Variants in CTIF observed in about 807,000 individuals in gnomAD.
The protein encoded by CTIF is CBP80/20-dependent translation initiation factor.
A neutral mutation model predicts 66.0 loss-of-function variants in CTIF; 21 were observed. The observed-to-expected ratio is 0.32, with a 90% confidence interval of 0.23 to 0.46. The LOEUF is 0.46. Among genes scored for constraint, CTIF ranks in the 20% least tolerant of loss-of-function variants. The pLI, the probability that CTIF is intolerant of heterozygous loss-of-function variation, is 1.00. For missense variants in CTIF, 739 were observed against 812.7 expected (o/e 0.91, Z 1.10); for synonymous variants, 345 against 326.4 (o/e 1.06, Z -0.62).
intron 10 of CTIF, among the ~76,000 whole-genome samples, chr18:48,853,588 G>C (rs766318099): frequency 6.6e-6 from 1 of 152,220 alleles, no homozygotes; most frequent in South Asian, 2.1e-4. Flanking sequence ...TTTCTTTTCT[G>C]TGTATCTGCT....
chr18:48,859,651 C>T lies in CTIF; in HGVS notation c.*92C>T, dbSNP rs572944293. ...GGCGGGAGGACAGGGGTGGCCCTGG[C>T]GGGAGAAAGAAATGGGGAGGAGGGC... On this transcript the variant is annotated 3_prime_UTR_variant, in exon 12 of 12. Coordinates refer to ENST00000256413, the MANE Select transcript of CTIF (RefSeq NM_014772.3). 9.5e-5 allele frequency: 118 copies of T among 1,239,218 alleles called. 1 individual carries two copies. The African/African-American group carries it at 1.3e-3, about 14-fold the overall frequency. The allele number at this position is 1,239,218 out of a possible 1,614,324, so 76.8% of individuals were successfully genotyped here.
chr18:48,657,052 C>T (rs760441509), intron 3 of CTIF, among the ~76,000 whole-genome samples: 1 of 152,174 alleles, frequency 6.6e-6, no homozygotes, highest in Non-Finnish European at 1.5e-5. Context: ...GGAAGTGGAG[C>T]CACGGTTCCC....
intron 10 of CTIF, among the ~76,000 whole-genome samples, chr18:48,851,004 G>A (rs961054006): frequency 6.6e-6 from 1 of 152,240 alleles, no homozygotes; most frequent in Non-Finnish European, 1.5e-5. Flanking sequence ...CCAGCAGGCC[G>A]TTTGCAAGAG....
intron 1 of CTIF, among the ~76,000 whole-genome samples, chr18:48,575,736 T>C (rs988459334): frequency 9.9e-5 from 15 of 152,216 alleles, no homozygotes; most frequent in Non-Finnish European, 1.5e-4. Flanking sequence ...CGGATGCCTT[T>C]TGATGAAGGC....
rs931883528 is a variant in CTIF at position 48,861,116 on chromosome 18, T to G, written c.*1557T>G. On this transcript the variant is annotated 3_prime_UTR_variant, in exon 12 of 12. Transcript: ENST00000256413. ...GGGAGGTGATGGGCGGGGAAGGTTC[T>G]CGTGATTGATTGATTCTGAGTCTGA... 6.6e-6 allele frequency: 1 copy of G among 152,364 alleles called. No individual in the cohort carries two copies. The highest frequency in any genetic ancestry group is 6.5e-5 in the Admixed American group (1 of 15,288). The allele number at this position is 152,364 out of a possible 1,614,324, so 9.4% of individuals were successfully genotyped here.
At chr18:48,602,330 G>C (rs1356135977) in intron 1 of CTIF, among the ~76,000 whole-genome samples, 1 of 152,206 alleles carries the variant, frequency 6.6e-6, no homozygotes, top group African/African-American at 2.4e-5. Flanking sequence ...AGAATTGTCA[G>C]TCTCATGCAT....
At position 48,758,248 on chromosome 18, in the gene CTIF, C is replaced by T. The variant is rs772233727; in HGVS notation, c.914C>T (p.Pro305Leu). The stretch of plus-strand genomic sequence containing the variant: ...CCCCGCAGCCCTGACACCCTGGCCC[C>T]GGTGGCTTCTGAGCGGCTGCCCCCA... ...EAPRSPDTLA[P>L]VASERLPPQQ... The change falls in exon 8 of 12, where the codon CCG becomes CTG. Residue 305 changes from proline (P) to leucine (L), a missense_variant. Transcript: ENST00000256413. 25 of 1,613,278 alleles carry T rather than the reference C, an allele frequency of 1.5e-5. No individual in the cohort carries two copies. The highest frequency in any genetic ancestry group is 1.6e-4 in the Middle Eastern group (1 of 6,084).
At position 48,761,458 on chromosome 18, in the gene CTIF, C is replaced by A; in HGVS notation, c.1140C>A (p.Asn380Lys). 6.2e-7 allele frequency: 1 copy of A among 1,614,222 alleles called. No homozygotes were observed. Among genetic ancestry groups the A allele is most frequent in the Non-Finnish European group, 8.5e-7 (1 of 1,180,046 alleles). Residue 380 changes from asparagine to lysine, a missense_variant, in exon 9 of 12, where the codon AAC becomes AAA. By Grantham distance (94) the Asn-to-Lys change is moderately conservative (BLOSUM62 0). This residue lies in a region of CTIF where 529 missense variants were observed against 520.3 expected (regional missense o/e 1.02). Coordinates refer to ENST00000256413, the MANE Select transcript of CTIF (RefSeq NM_014772.3). This position sits in a 1 kb window ranked among gnomAD's most constrained non-coding sequence, Gnocchi z 4.2. ...TGGACAAGCTGATCGAGATCCTGAA[C>A]AGCATGCGGAACAACAGCAGCGACG... ...NKMDKLIEIL[N>K]SMRNNSSDVD...
intron 1 of CTIF, among the ~76,000 whole-genome samples, chr18:48,603,143 T>C (rs1568064994): frequency 7.2e-6 from 1 of 138,232 alleles, no homozygotes; most frequent in South Asian, 2.4e-4. Context: ...AGATAGTGGA[T>C]GGATGGATGG....
chr18:48,615,952 T>C (rs2090392012), intron 1 of CTIF, among the ~76,000 whole-genome samples: 1 of 152,210 alleles, frequency 6.6e-6, no homozygotes, highest in Non-Finnish European at 1.5e-5. Context: ...TGGGTCTCAA[T>C]TCTGTCCCCT....
chr18:48,836,791 A>T (rs901918912), intron 10 of CTIF, among the ~76,000 whole-genome samples: 3 of 152,182 alleles, frequency 2.0e-5, no homozygotes, highest in Non-Finnish European at 4.4e-5. Flanking sequence ...CTGCCACCCA[A>T]GCTGTGCCTC....
chr18:48,819,345 C>A (rs1443940739), intron 10 of CTIF, among the ~76,000 whole-genome samples: 1 of 152,228 alleles, frequency 6.6e-6, no homozygotes, highest in Admixed American at 6.5e-5. Context: ...CCCATCCTTG[C>A]CTGCATTGCC....
chr18:48,656,804 G>A (rs74885535), intron 3 of CTIF, among the ~76,000 whole-genome samples: 5 of 151,706 alleles, frequency 3.3e-5, no homozygotes, highest in South Asian at 2.1e-4. Flanking sequence ...TTCAGCAACC[G>A]GGGGGGCAGG....
intron 1 of CTIF, among the ~76,000 whole-genome samples, chr18:48,602,651 T>C (rs2090110908): frequency 6.6e-6 from 1 of 152,252 alleles, no homozygotes; most frequent in South Asian, 2.1e-4. Context: ...CTCTCCTATG[T>C]TGGTGCTGCT....
chr18:48,772,702 G>A (rs1004766616), intron 9 of CTIF, among the ~76,000 whole-genome samples: 4 of 152,050 alleles, frequency 2.6e-5, no homozygotes, highest in African/African-American at 9.7e-5. Flanking sequence ...TCCATTTTAT[G>A]TCTATACCAC....
chr18:48,613,354 G>A (rs1459275006), intron 1 of CTIF, among the ~76,000 whole-genome samples: 1 of 152,040 alleles, frequency 6.6e-6, no homozygotes, highest in Non-Finnish European at 1.5e-5. Context: ...ACTGGCAACC[G>A]ACCATCTCAG....
intron 7 of CTIF, among the ~76,000 whole-genome samples, chr18:48,715,091 C>G (rs887688883): frequency 4.6e-5 from 7 of 152,286 alleles, no homozygotes; most frequent in Middle Eastern, 3.4e-3. Flanking sequence ...ATCAATTGTT[C>G]CTTCCCCTGG....
At position 48,592,058 on chromosome 18, in the gene CTIF, G is replaced by A. The variant is rs146605849; in HGVS notation, c.-28-27480G>A. 3.1e-4 allele frequency among the ~76,000 whole-genome samples: 47 copies of A among 152,294 alleles called. 1 individual carries two copies. The highest frequency in any genetic ancestry group is 1.1e-3 in the African/African-American group (47 of 41,570). On this transcript the variant is annotated intron_variant, in intron 1 of 11. Coordinates refer to ENST00000256413, the MANE Select transcript of CTIF (RefSeq NM_014772.3). ...TGAGCCACTATGCCTGGTCAGTGCT[G>A]TGCTTTTTCTACTGAAACACCCCGG...
chr18:48,817,266 C>G lies in CTIF; in HGVS notation c.1417C>G (p.Arg473Gly). Reference protein sequence around the residue: ...REELQQQDVERWLGFITFLCE... With the variant: ...REELQQQDVEGWLGFITFLCE... ...GGAGCTGCAGCAGCAGGACGTGGAG[C>G]GCTGGCTGGGCTTCATCACCTTCCT... Residue 473 changes from arginine to glycine, a missense_variant, in exon 10 of 12, where the codon CGC becomes GGC. Transcript: ENST00000256413. 6.2e-7 allele frequency: 1 copy of G among 1,614,030 alleles called. No individual in the cohort carries two copies. The highest frequency in any genetic ancestry group is 2.2e-5 in the East Asian group (1 of 44,882).
Sources: gnomAD v4.1 joint callset for allele counts (sites outside exome capture counted in the v4.1 genomes callset) on GRCh38, gnomAD v4.1.1 for gene constraint, gnomAD v4.1.1 regional missense constraint, Gnocchi (gnomAD v3.1) non-coding constraint, MANE v1.5 for transcripts, NCBI Gene and HGNC (gene_info 2026-07-23, HGNC 2026-07-21) for gene names.